Variants in PDE3B observed in about 807,000 individuals in gnomAD.
PDE3B encodes cGMP-inhibited 3',5'-cyclic phosphodiesterase 3B.
Under a neutral mutation model 116.8 loss-of-function variants are expected in PDE3B, and 66 were observed. The ratio of observed to expected loss-of-function variants is 0.56; its 90% confidence interval spans 0.46 to 0.69. The LOEUF (loss-of-function observed/expected upper bound fraction) is 0.69, where lower values mean the gene tolerates loss of function less well. PDE3B is among the 30% of genes least tolerant of loss of function. The pLI is 0.00. For synonymous variants in PDE3B, 595 were observed against 533.6 expected (o/e 1.12, Z -1.59); for missense variants, 1,384 against 1,368.1 (o/e 1.01, Z -0.18).
intron 1 of PDE3B, among the ~76,000 whole-genome samples, chr11:14,669,329 C>A (rs957399210): frequency 4.6e-5 from 7 of 152,102 alleles, no homozygotes; most frequent in African/African-American, 1.7e-4. Flanking sequence ...CTCTTGTATT[C>A]CATTGGTTGA....
chr11:14,681,449 G>A (rs1338612933), intron 1 of PDE3B, among the ~76,000 whole-genome samples: 2 of 152,104 alleles, frequency 1.3e-5, no homozygotes, highest in Non-Finnish European at 2.9e-5. Context: ...GTAAGGGAGA[G>A]TTTCCCTGTA....
chr11:14,837,573 C>T (rs1327898331), intron 11 of PDE3B, among the ~76,000 whole-genome samples: 2 of 152,204 alleles, frequency 1.3e-5, no homozygotes, highest in African/African-American at 4.8e-5. Flanking sequence ...TCCTTCTGAG[C>T]ATTCATTGGC....
At chr11:14,667,922 AT>A (rs1825419853) in intron 1 of PDE3B, among the ~76,000 whole-genome samples, 1 of 151,992 alleles carries the variant, frequency 6.6e-6, no homozygotes, top group Admixed American at 6.6e-5. Context: ...AAGAGCTCAA[AT>A]AGCTATTGAA....
At chr11:14,718,468 G>A (rs957013782) in intron 1 of PDE3B, among the ~76,000 whole-genome samples, 170 of 147,524 alleles carry the variant, frequency 1.2e-3, no homozygotes, top group African/African-American at 3.9e-3. Flanking sequence ...CAGAATATAC[G>A]TTTTTTTCAG....
At chr11:14,691,143 G>A (rs1855031446) in intron 1 of PDE3B, among the ~76,000 whole-genome samples, 1 of 152,178 alleles carries the variant, frequency 6.6e-6, no homozygotes, top group Non-Finnish European at 1.5e-5. Context: ...AATTGTTACT[G>A]TATTAGCACT....
At chr11:14,663,683 A>G (rs1156436522) in intron 1 of PDE3B, among the ~76,000 whole-genome samples, 2 of 152,202 alleles carry the variant, frequency 1.3e-5, no homozygotes, top group Non-Finnish European at 2.9e-5. Context: ...AGGCCATTAC[A>G]TAAGGGTAAA....
At chr11:14,813,770 G>A (rs1381313683) in intron 5 of PDE3B, among the ~76,000 whole-genome samples, 2 of 152,088 alleles carry the variant, frequency 1.3e-5, no homozygotes, top group East Asian at 3.9e-4. Flanking sequence ...AGTTTTTTAT[G>A]AGGCCAGCAT....
intron 1 of PDE3B, among the ~76,000 whole-genome samples, chr11:14,735,634 TAAA>T (rs1395365953): frequency 6.6e-6 from 1 of 152,148 alleles, no homozygotes; most frequent in Non-Finnish European, 1.5e-5. Flanking sequence ...TAAAATTACA[TAAA>T]ATAAAAAATC....
the PDE3B span, chr11:14,892,176 G>C: frequency 6.2e-7 from 1 of 1,610,630 alleles, no homozygotes; most frequent in South Asian, 1.1e-5. Flanking sequence ...GCGCCGCCGC[G>C]CCCTCTTCAG....
chr11:14,875,285 G>T (rs1043192672), downstream of PDE3B, among the ~76,000 whole-genome samples: 8 of 152,064 alleles, frequency 5.3e-5, no homozygotes, highest in Non-Finnish European at 1.0e-4. Context: ...GATTTTATTT[G>T]TGGTTTTCTA....
At chr11:14,787,196 G>A (rs887341123) in intron 3 of PDE3B, among the ~76,000 whole-genome samples, 2 of 151,592 alleles carry the variant, frequency 1.3e-5, no homozygotes, top group Admixed American at 1.3e-4. Context: ...TTAGAATAGA[G>A]GATTAATTTC....
chr11:14,677,655 C>T (rs1854571175), intron 1 of PDE3B, among the ~76,000 whole-genome samples: 1 of 152,128 alleles, frequency 6.6e-6, no homozygotes, highest in Admixed American at 6.5e-5. Flanking sequence ...TGTCCCATTA[C>T]TTCCAGAAGT....
At chr11:14,841,279 C>G (rs2133971442) in intron 11 of PDE3B, among the ~76,000 whole-genome samples, 1 of 150,952 alleles carries the variant, frequency 6.6e-6, no homozygotes, top group Admixed American at 6.6e-5. Context: ...TTGGATTTGC[C>G]AGCCTCCTTA....
At chr11:14,888,289 A>T in the PDE3B span, among the ~76,000 whole-genome samples, 1 of 152,226 alleles carries the variant, frequency 6.6e-6, no homozygotes, top group Non-Finnish European at 1.5e-5. Context: ...GGTCACTGCT[A>T]TATCTCTAGC....
At chr11:14,766,721 T>C (rs992972768) in intron 1 of PDE3B, among the ~76,000 whole-genome samples, 2 of 151,702 alleles carry the variant, frequency 1.3e-5, no homozygotes, top group African/African-American at 2.4e-5. Context: ...GTAGTACTCA[T>C]TGCTTAGCAA....
At chr11:14,776,468 T>C (rs1430890263) in intron 2 of PDE3B, 1 of 152,240 alleles carries the variant, frequency 6.6e-6, no homozygotes, top group Non-Finnish European at 1.5e-5. Flanking sequence ...GAAGCTCTCT[T>C]TCCCCCTACT....
At chr11:14,714,401 C>T (rs1011684798) in intron 1 of PDE3B, among the ~76,000 whole-genome samples, 9 of 151,682 alleles carry the variant, frequency 5.9e-5, no homozygotes, top group South Asian at 2.1e-4. Context: ...TTTAGCTGGG[C>T]GTGGTGGCAG....
intron 2 of PDE3B, among the ~76,000 whole-genome samples, chr11:14,778,456 C>T (rs952454104): frequency 6.6e-6 from 1 of 152,168 alleles, no homozygotes; most frequent in Non-Finnish European, 1.5e-5. Context: ...GGGCGCCCCT[C>T]TGAGACGAAG....
intron 1 of PDE3B, among the ~76,000 whole-genome samples, chr11:14,691,611 G>T (rs1855043035): frequency 6.6e-6 from 1 of 152,080 alleles, no homozygotes; most frequent in Non-Finnish European, 1.5e-5. Flanking sequence ...TATATGCCAG[G>T]AGCAGGTCTA....
Sources: gnomAD v4.1 joint callset for allele counts (sites outside exome capture counted in the v4.1 genomes callset) on GRCh38, gnomAD v4.1.1 for gene constraint, MANE v1.5 for transcripts, NCBI Gene and HGNC (gene_info 2026-07-23, HGNC 2026-07-21) for gene names.